CUX1: variants seen among roughly 807,000 people sequenced by gnomAD.
CUX1 encodes the protein cut like homeobox 1.
Under a neutral mutation model 158.8 loss-of-function variants are expected in CUX1, and 31 were observed. The ratio of observed to expected loss-of-function variants is 0.20; its 90% CI spans 0.15 to 0.26. The LOEUF (loss-of-function observed/expected upper bound fraction) is 0.26, where lower values mean the gene tolerates loss of function less well. Ranked by LOEUF, CUX1 falls within the 10% of genes least tolerant of loss-of-function variation. The pLI, the probability that CUX1 is intolerant of heterozygous loss-of-function variation, is 1.00. For missense variants in CUX1, 1,589 were observed against 2,014.6 expected (o/e 0.79, Z 4.04); for synonymous variants, 879 against 862.1 (o/e 1.02, Z -0.34).
intron 1 of CUX1, among the ~76,000 whole-genome samples, chr7:101,853,584 G>GGTGTGT (rs59324904): frequency 0.037 from 5,277 of 140,824 alleles, 150 homozygotes; most frequent in Non-Finnish European, 0.054. Context: ...CAATAGAAAG[G>GGTGTGT]GTGTGTGTGT....
intron 3 of CUX1, among the ~76,000 whole-genome samples, chr7:102,043,139 C>T (rs1419023718): frequency 6.6e-6 from 1 of 151,906 alleles, no homozygotes; most frequent in Non-Finnish European, 1.5e-5. Context: ...TTTGTAGAGA[C>T]GAGGTTTTGC....
At chr7:102,276,349 T>C (rs1791605630) in intron 17 of CUX1, among the ~76,000 whole-genome samples, 1 of 152,228 alleles carries the variant, frequency 6.6e-6, no homozygotes. Context: ...TTGCCCAGGC[T>C]GGAGTGCAGT....
intron 2 of CUX1, among the ~76,000 whole-genome samples, chr7:101,994,604 C>A (rs1815581885): frequency 6.6e-6 from 1 of 152,100 alleles, no homozygotes; most frequent in African/African-American, 2.4e-5. Flanking sequence ...CCGTCTCAAA[C>A]AACAGCAACA....
At chr7:102,205,702 G>A (rs1795877320) in intron 20 of CUX1, among the ~76,000 whole-genome samples, 2 of 152,178 alleles carry the variant, frequency 1.3e-5, no homozygotes, top group Non-Finnish European at 2.9e-5. Context: ...ACTGAGATCT[G>A]AGCCTGGGAG....
chr7:102,175,687 C>G (rs962683541), intron 10 of CUX1, among the ~76,000 whole-genome samples: 4 of 152,200 alleles, frequency 2.6e-5, no homozygotes, highest in African/African-American at 7.2e-5. Context: ...CCCATTCCCC[C>G]CTCCTGTGGC....
intron 11 of CUX1, among the ~76,000 whole-genome samples, chr7:102,184,987 C>A (rs1261049026): frequency 1.3e-5 from 2 of 152,218 alleles, no homozygotes; most frequent in African/African-American, 2.4e-5. Context: ...TTCCCAGATT[C>A]TCTTTCCACA....
At chr7:102,070,193 C>G in intron 3 of CUX1, 146 bp from the exon 4 acceptor site, 1 of 646,696 alleles carries the variant, frequency 1.5e-6, no homozygotes. Context: ...TTTGTGTTTG[C>G]AGGCATTTCC....
At chr7:102,156,586 C>T (rs1309566814) in intron 8 of CUX1, among the ~76,000 whole-genome samples, 3 of 152,184 alleles carry the variant, frequency 2.0e-5, no homozygotes, top group Admixed American at 6.5e-5. Flanking sequence ...TCCCAATGCC[C>T]CCACACTGGG....
intron 8 of CUX1, among the ~76,000 whole-genome samples, chr7:102,121,592 C>T (rs1304135381): frequency 2.0e-5 from 3 of 152,160 alleles, no homozygotes; most frequent in African/African-American, 4.8e-5. Context: ...GTGATCTGCC[C>T]GCCTTGGCCT....
intron 14 of CUX1, among the ~76,000 whole-genome samples, chr7:102,264,066 C>T (rs1294236169): frequency 5.6e-5 from 7 of 125,310 alleles, no homozygotes; most frequent in East Asian, 4.9e-4. Context: ...AGTGCAGTGG[C>T]GTGATGTCAG....
intron 20 of CUX1, among the ~76,000 whole-genome samples, chr7:102,215,769 C>T (rs1051036063): frequency 6.6e-6 from 1 of 152,194 alleles, no homozygotes; most frequent in Non-Finnish European, 1.5e-5. Flanking sequence ...ACCACACCGG[C>T]GTGTTCCACG....
chr7:102,201,218 G>A lies in CUX1; in HGVS notation c.2063-142G>A, dbSNP rs1290499910. 7 of 1,264,402 alleles carry A rather than the reference G, an allele frequency of 5.5e-6. No individual in the cohort carries two copies. In the African/African-American group the frequency reaches 1.0e-4, roughly 19 times the overall value. 78.3% of individuals were successfully genotyped at this position (1,264,402 alleles called of 1,614,324 possible). A position where few individuals can be genotyped will look rare whatever the true frequency, so the allele number is the denominator to read the frequency against. On this transcript the variant is annotated intron_variant, in intron 17 of 23. Transcript: ENST00000292535. This position sits in a 1 kb window ranked among gnomAD's most constrained non-coding sequence, Gnocchi z 5.0. The stretch of plus-strand genomic sequence containing the variant: ...AGACAAGATGCCTGAATGTTTCACT[G>A]ACAGGGGCCATGCTGGGGAAATACA...
chr7:102,052,429 G>A (rs757605939), intron 3 of CUX1, among the ~76,000 whole-genome samples: 8 of 152,012 alleles, frequency 5.3e-5, no homozygotes, highest in Non-Finnish European at 8.8e-5. Flanking sequence ...CCATGGTTTC[G>A]ATATTCATCT....
intron 1 of CUX1, among the ~76,000 whole-genome samples, chr7:101,842,283 T>C (rs1271915391): frequency 6.6e-6 from 1 of 152,238 alleles, no homozygotes; most frequent in Non-Finnish European, 1.5e-5. Context: ...AAACGTTATA[T>C]ATGCAGTATA....
chr7:102,265,865 GT>G (rs35562488), intron 14 of CUX1, among the ~76,000 whole-genome samples: 2,713 of 152,108 alleles, frequency 0.018, 81 homozygotes, highest in African/African-American at 0.063. Context: ...GGCAGCAGTG[GT>G]AAAAAGAGAC....
intron 1 of CUX1, among the ~76,000 whole-genome samples, chr7:101,825,750 AATCT>A (rs1048788037): frequency 2.7e-5 from 3 of 112,246 alleles, no homozygotes; most frequent in Non-Finnish European, 5.7e-5. Context: ...ACCTTAATGA[AATCT>A]GTGTGTGTGT....
In CUX1 at chr7:102,105,176, T is replaced by TACACACACAC. The variant is rs3076512; in HGVS notation, c.530+747_530+756dup. On this transcript the variant is annotated intron_variant, in intron 6 of 23. Coordinates refer to ENST00000292535, the MANE Select transcript of CUX1 (RefSeq NM_181552.4). The stretch of plus-strand genomic sequence containing the variant: ...TCTCAAGCAAATTGATATTTAATAT[T>TACACACACAC]ACACACACACACACACACACACACA... Among the ~76,000 whole-genome samples, 272 of 144,526 alleles carry TACACACACAC rather than the reference T, an allele frequency of 1.9e-3. 1 individual carries two copies. Among genetic ancestry groups the TACACACACAC allele is most frequent in the Middle Eastern group, 0.01 (3 of 288 alleles). The allele number at this position is 144,526 out of a possible 152,430, so 94.8% of individuals were successfully genotyped here. A position where few individuals can be genotyped will look rare whatever the true frequency, so the allele number is the denominator to read the frequency against.
intron 20 of CUX1, among the ~76,000 whole-genome samples, chr7:102,216,528 T>TC (rs781825609): frequency 0.12 from 9,061 of 78,108 alleles, 771 homozygotes; most frequent in African/African-American, 0.23. Context: ...ACACACACTC[T>TC]CCCCCCCACA....
chr7:101,926,240 T>C (rs1040145050), intron 2 of CUX1, among the ~76,000 whole-genome samples: 1 of 152,248 alleles, frequency 6.6e-6, no homozygotes, highest in African/African-American at 2.4e-5. Flanking sequence ...AGAAAAAGTT[T>C]AAAAATTAAA....
Sources: gnomAD v4.1 joint callset for allele counts (sites outside exome capture counted in the v4.1 genomes callset) on GRCh38, gnomAD v4.1.1 for gene constraint, Gnocchi (gnomAD v3.1) non-coding constraint, MANE v1.5 for transcripts, NCBI Gene and HGNC (gene_info 2026-07-23, HGNC 2026-07-21) for gene names.